The following PACRG variants were observed in gnomAD, a reference collection of about 807,000 sequenced individuals.
The protein encoded by PACRG is parkin coregulated.
Under a neutral mutation model 29.7 loss-of-function variants are expected in PACRG, and 29 were observed. That is an observed-to-expected ratio of 0.98 (90% CI 0.73 to 1.33). PACRG has a LOEUF of 1.33. PACRG is among the 40% of genes most tolerant of loss of function. The pLI is 0.00. For synonymous variants in PACRG, 116 were observed against 118.7 expected, an observed-to-expected ratio of 0.98 and a Z score of 0.15; for missense variants, 279 against 316.2, an observed-to-expected ratio of 0.88 and a Z score of 0.89.
chr6:162,994,450 C>G (rs1181761276), intron 2 of PACRG, among the ~76,000 whole-genome samples: 1 of 148,646 alleles, frequency 6.7e-6, no homozygotes, highest in Non-Finnish European at 1.5e-5. Flanking sequence ...TCTTTTTATT[C>G]TTTTTTCTCT....
intron 2 of PACRG, among the ~76,000 whole-genome samples, chr6:162,899,960 C>G (rs1394616794): frequency 6.6e-6 from 1 of 152,078 alleles, no homozygotes; most frequent in Non-Finnish European, 1.5e-5. Context: ...TCACCGTCAC[C>G]GCTGTGCATG....
At chr6:163,115,294 G>A (rs1316222826) in intron 4 of PACRG, among the ~76,000 whole-genome samples, 1 of 152,108 alleles carries the variant, frequency 6.6e-6, no homozygotes, top group African/African-American at 2.4e-5. Context: ...CTTTATCTGG[G>A]GGCATCGGGG....
chr6:163,066,443 G>A lies in PACRG; in HGVS notation c.463+4122G>A, dbSNP rs111465449. On this transcript the variant is annotated intron_variant, in intron 3 of 4. Transcript: ENST00000366888. ...TGAGAGTCCCCAAGTGAGGAGGACAGTGTAGTGTGAAAAGCAGTCAGCACT... is the reference window on the plus strand; with the variant it reads ...TGAGAGTCCCCAAGTGAGGAGGACAATGTAGTGTGAAAAGCAGTCAGCACT... Among the ~76,000 whole-genome samples, 513 of 152,316 alleles carry A rather than the reference G, an allele frequency of 3.4e-3. 7 individuals are homozygous for A. The highest frequency in any genetic ancestry group is 0.012 in the African/African-American group (495 of 41,572).
At position 162,866,716 on chromosome 6, in the gene PACRG, GAC is replaced by G. The variant is rs1368925135; in HGVS notation, c.291+52439_291+52440del. ...CAAAACAGTTTGAGGGAACTTAAAAGACACAGTTACAATAAAAGCCTAAACAG... is the reference window on the plus strand; with the variant it reads ...CAAAACAGTTTGAGGGAACTTAAAAGACAGTTACAATAAAAGCCTAAACAG... On this transcript the variant is annotated intron_variant, in intron 2 of 4. Transcript: ENST00000366888. 2.6e-5 allele frequency among the ~76,000 whole-genome samples: 4 copies of G among 152,164 alleles called. No homozygotes were observed. The East Asian group carries it at 5.8e-4, about 22-fold the overall frequency.
chr6:163,031,729 A>T (rs1807683491), intron 2 of PACRG, among the ~76,000 whole-genome samples: 1 of 152,226 alleles, frequency 6.6e-6, no homozygotes, highest in African/African-American at 2.4e-5. Context: ...AGCTGAGCCC[A>T]GCCATGGGTT....
chr6:162,999,475 A>G (rs926774574), intron 2 of PACRG, among the ~76,000 whole-genome samples: 1 of 152,218 alleles, frequency 6.6e-6, no homozygotes, highest in African/African-American at 2.4e-5. Flanking sequence ...TGCTCTTAGT[A>G]GAAGCTCAAT....
chr6:163,197,829 G>T (rs1227728891), intron 4 of PACRG, among the ~76,000 whole-genome samples: 3 of 152,076 alleles, frequency 2.0e-5, no homozygotes, highest in Admixed American at 1.3e-4. Flanking sequence ...TTCAGAGCAG[G>T]GGTTATCTTA....
At chr6:163,015,447 G>A (rs1806005579) in intron 2 of PACRG, among the ~76,000 whole-genome samples, 1 of 152,076 alleles carries the variant, frequency 6.6e-6, no homozygotes, top group African/African-American at 2.4e-5. Context: ...AGACAGTATG[G>A]TCATTTTAAT....
At chr6:163,037,615 C>T (rs975531399) in intron 2 of PACRG, among the ~76,000 whole-genome samples, 21 of 152,206 alleles carry the variant, frequency 1.4e-4, no homozygotes, top group African/African-American at 2.4e-5. Flanking sequence ...GAAACTTCTT[C>T]GGCCCATGCC....
chr6:162,861,089 T>C (rs534550717), intron 2 of PACRG, among the ~76,000 whole-genome samples: 11 of 152,284 alleles, frequency 7.2e-5, no homozygotes, highest in Admixed American at 6.5e-4. Context: ...GGCTGTGCGC[T>C]TCTTGTTTGC....
chr6:163,224,970 T>A (rs1262902528), intron 4 of PACRG, among the ~76,000 whole-genome samples: 2 of 152,008 alleles, frequency 1.3e-5, no homozygotes, highest in African/African-American at 2.4e-5. Flanking sequence ...ATATACAAAA[T>A]ATATAAGGAA....
At chr6:162,786,101 T>C (rs759894295) in intron 1 of PACRG, among the ~76,000 whole-genome samples, 15 of 152,224 alleles carry the variant, frequency 9.9e-5, no homozygotes, top group Admixed American at 3.3e-4. Context: ...CCATAGTGTG[T>C]TGACACACAG....
At chr6:163,280,871 C>A (rs1181684633) in intron 4 of PACRG, among the ~76,000 whole-genome samples, 3 of 152,148 alleles carry the variant, frequency 2.0e-5, no homozygotes, top group Non-Finnish European at 4.4e-5. Flanking sequence ...GGGGTTAGGA[C>A]TTCAACATAT....
chr6:163,227,846 C>T (rs1375111443), intron 4 of PACRG, among the ~76,000 whole-genome samples: 2 of 152,174 alleles, frequency 1.3e-5, no homozygotes, highest in Admixed American at 6.5e-5. Context: ...ATTGACACCA[C>T]CAGCCATAGG....
rs115419517 is a variant in PACRG, at chr6:163,195,112, G to A, written c.613+105704G>A. ...GACCCCGACTCTCACCATGTCAAAA[G>A]GAGGTGATGTTTCCAAAGGTAGCAA... On this transcript the variant is annotated intron_variant, in intron 4 of 4. Transcript: ENST00000366888. Among the ~76,000 whole-genome samples the A allele has an allele frequency of 3.2e-3, 484 of 152,290 alleles. 4 individuals are homozygous for A. The highest frequency in any genetic ancestry group is 0.011 in the African/African-American group (468 of 41,554).
chr6:163,089,790 T>C (rs1420398250), intron 4 of PACRG, among the ~76,000 whole-genome samples: 2 of 152,244 alleles, frequency 1.3e-5, no homozygotes, highest in African/African-American at 4.8e-5. Flanking sequence ...TCAGCTTTTT[T>C]CCATTGGTTT....
intron 2 of PACRG, among the ~76,000 whole-genome samples, chr6:162,924,434 G>C (rs1035647618): frequency 8.5e-5 from 13 of 152,170 alleles, no homozygotes; most frequent in African/African-American, 3.1e-4. Context: ...ATTGAATAGA[G>C]TGGTGAAAGT....
chr6:162,893,174 C>T (rs546728436), intron 2 of PACRG, among the ~76,000 whole-genome samples: 5 of 152,240 alleles, frequency 3.3e-5, no homozygotes, highest in African/African-American at 9.6e-5. Flanking sequence ...AACTTGGTGC[C>T]GCTCACCCAA....
chr6:163,075,144 G>T (rs1227874729), intron 3 of PACRG, among the ~76,000 whole-genome samples: 1 of 152,108 alleles, frequency 6.6e-6, no homozygotes, highest in Non-Finnish European at 1.5e-5. Context: ...ACTTTGAATT[G>T]TTCATGAAAT....
Sources: allele counts gnomAD v4.1 joint callset (sites outside exome capture counted in the v4.1 genomes callset), GRCh38; gene constraint gnomAD v4.1.1; transcripts MANE v1.5; gene names NCBI Gene and HGNC (gene_info 2026-07-23, HGNC 2026-07-21).